The following NELL2 variants were observed in gnomAD, a reference collection of about 807,000 sequenced individuals.
NELL2 encodes protein kinase C-binding protein NELL2.
Under a neutral mutation model 109.6 loss-of-function variants are expected in NELL2, and 41 were observed. The observed-to-expected ratio is 0.37, with a 90% CI of 0.29 to 0.49. The LOEUF (loss-of-function observed/expected upper bound fraction) is 0.49, where lower values mean the gene tolerates loss of function less well. Among genes scored for constraint, NELL2 ranks in the 20% least tolerant of loss-of-function variants. The pLI is 0.98. For missense variants in NELL2, 900 were observed against 1,008.3 expected (o/e 0.89, Z 1.45); for synonymous variants, 355 against 344.7 (o/e 1.03, Z -0.33).
In NELL2 at chr12:44,659,140, C is replaced by T. The variant is rs372235789; in HGVS notation, c.1444+6344G>A. On this transcript the variant is annotated intron_variant, in intron 13 of 19. Coordinates refer to ENST00000429094, the MANE Select transcript of NELL2 (RefSeq NM_001145108.2). ...TAATAAATGGTTTTGGGAAAACTGGCTAGCCATATGCAGAAAACTGAAACT... is the reference window on the plus strand; with the variant it reads ...TAATAAATGGTTTTGGGAAAACTGGTTAGCCATATGCAGAAAACTGAAACT... Among the ~76,000 whole-genome samples the T allele has an allele frequency of 6.6e-4, 101 of 152,198 alleles. 2 individuals carry two copies. The South Asian group carries it at 0.02, about 29-fold the overall frequency.
At chr12:44,872,093 T>C (rs1245994970) in intron 2 of NELL2, among the ~76,000 whole-genome samples, 2 of 152,136 alleles carry the variant, frequency 1.3e-5, no homozygotes, top group Non-Finnish European at 2.9e-5. Context: ...GAAAAAAACA[T>C]TATTATGATC....
intron 12 of NELL2, 149 bp downstream of exon 12, chr12:44,703,574 GATA>G: frequency 2.6e-6 from 2 of 762,886 alleles, no homozygotes; most frequent in Non-Finnish European, 4.2e-6. Context: ...TAATTTGAAA[GATA>G]ATTATTTTTA....
At chr12:44,533,162 C>A (rs1309971235) in intron 15 of NELL2, among the ~76,000 whole-genome samples, 1 of 152,118 alleles carries the variant, frequency 6.6e-6, no homozygotes, top group Admixed American at 6.5e-5. Flanking sequence ...TTCACATATG[C>A]CCTTTCCCTA....
intron 15 of NELL2, among the ~76,000 whole-genome samples, chr12:44,549,720 A>C (rs1037731347): frequency 2.4e-4 from 36 of 152,150 alleles, no homozygotes; most frequent in Non-Finnish European, 4.7e-4. Context: ...TAAAAACTAT[A>C]AAACATAATG....
At chr12:44,620,121 G>GTTTT (rs147103574) in intron 13 of NELL2, among the ~76,000 whole-genome samples, 2 of 134,434 alleles carry the variant, frequency 1.5e-5, no homozygotes, top group African/African-American at 2.6e-5. Context: ...CCTGGGTTTT[G>GTTTT]TTTTTTTTTT....
chr12:44,835,303 T>C (rs1408894024), intron 2 of NELL2, among the ~76,000 whole-genome samples: 1 of 152,168 alleles, frequency 6.6e-6, no homozygotes, highest in Non-Finnish European at 1.5e-5. Flanking sequence ...CCAAAAAGAA[T>C]TATTCAGTGG....
In NELL2 at chr12:44,814,039, G is replaced by A. The variant is rs190905392; in HGVS notation, c.335+1947C>T. Reference sequence around the variant, plus strand: ...GCAAGAAGTCTGTGCTGGTCAGAGTGTGTACAGTTAAGGTGTTCGACCCTG... The same window carrying A: ...GCAAGAAGTCTGTGCTGGTCAGAGTATGTACAGTTAAGGTGTTCGACCCTG... On this transcript the variant is annotated intron_variant, in intron 3 of 19. Transcript: ENST00000429094. 2.6e-5 allele frequency among the ~76,000 whole-genome samples: 4 copies of A among 152,318 alleles called. No individual in the cohort carries two copies. In the East Asian group the frequency reaches 7.7e-4, roughly 29 times the overall value.
rs955204718 is a variant in NELL2 at position 44,523,464 on chromosome 12, C to A, written c.1825G>T (p.Gly609Trp). The A allele has an allele frequency of 7.4e-6, 12 of 1,613,488 alleles. No individual in the cohort carries two copies. The Admixed American group carries it at 8.3e-5, about 11-fold the overall frequency. Residue 609 changes from glycine (G) to tryptophan (W), a missense_variant, in exon 17 of 20, where the codon GGG (glycine) becomes TGG (tryptophan). Gly to Trp is a radical substitution (Grantham distance 184). Coordinates refer to ENST00000429094, the MANE Select transcript of NELL2 (RefSeq NM_001145108.2). ...GTATCATTGGCACAGCTGTGCCTCCCGGTCCCACACTCATCAATATCTATA... is the reference window on the plus strand; with the variant it reads ...GTATCATTGGCACAGCTGTGCCTCCAGGTCCCACACTCATCAATATCTATA... ...SCEDIDECGT[G>W]RHSCANDTIC...
At chr12:44,616,849 A>G (rs1162599672) in intron 13 of NELL2, among the ~76,000 whole-genome samples, 1 of 152,160 alleles carries the variant, frequency 6.6e-6, no homozygotes, top group Non-Finnish European at 1.5e-5. Context: ...GCTTTATTCC[A>G]AAAAGAATGG....
intron 1 of NELL2, among the ~76,000 whole-genome samples, chr12:44,889,972 C>T (rs554387367): frequency 2.6e-4 from 39 of 152,166 alleles, no homozygotes; most frequent in African/African-American, 7.7e-4. Context: ...AATCTTAGGC[C>T]GGGTTTCCCA....
At chr12:44,794,179 C>T (rs1942535170) in intron 3 of NELL2, among the ~76,000 whole-genome samples, 1 of 152,102 alleles carries the variant, frequency 6.6e-6, no homozygotes, top group African/African-American at 2.4e-5. Context: ...GCTACTTCAC[C>T]CCTATGTGTT....
At chr12:44,780,047 A>T in intron 3 of NELL2, 25 bp from the exon 4 acceptor site, 1 of 1,606,504 alleles carries the variant, frequency 6.2e-7, no homozygotes. Context: ...GCCACATGGG[A>T]CACATTAAAA....
At chr12:44,746,707 A>G (rs1302391393) in intron 9 of NELL2, among the ~76,000 whole-genome samples, 1 of 152,238 alleles carries the variant, frequency 6.6e-6, no homozygotes, top group East Asian at 1.9e-4. Flanking sequence ...AATGCTCATC[A>G]TCACTGGCCA....
chr12:44,662,009 G>A (rs996481756), intron 13 of NELL2, among the ~76,000 whole-genome samples: 9 of 151,792 alleles, frequency 5.9e-5, no homozygotes, highest in Non-Finnish European at 7.4e-5. Flanking sequence ...ATAGGAACAC[G>A]AAACGATGTA....
intron 13 of NELL2, among the ~76,000 whole-genome samples, chr12:44,636,102 T>C (rs1946626702): frequency 6.6e-6 from 1 of 152,170 alleles, no homozygotes; most frequent in South Asian, 2.1e-4. Context: ...TATTGGTGTG[T>C]AGGAATGTTT....
intron 1 of NELL2, among the ~76,000 whole-genome samples, chr12:44,885,062 T>C (rs912042394): frequency 7.9e-5 from 12 of 152,070 alleles, no homozygotes; most frequent in Non-Finnish European, 1.6e-4. Context: ...GCGGATCACC[T>C]GAGGTCAGGA....
At position 44,641,828 on chromosome 12, in the gene NELL2, C is replaced by A. The variant is rs534542113; in HGVS notation, c.1444+23656G>T. 6.6e-5 allele frequency among the ~76,000 whole-genome samples: 10 copies of A among 151,688 alleles called. No homozygotes were observed. In the East Asian group the frequency reaches 1.9e-3, roughly 30 times the overall value. The stretch of plus-strand genomic sequence containing the variant: ...TTTCCTGCCTCAGTCTCCCAAGTAG[C>A]TGGGACTACAGGCACATGCTGCCAT... On this transcript the variant is annotated intron_variant, in intron 13 of 19. Transcript: ENST00000429094.
chr12:44,908,604 A>G lies in NELL2; in HGVS notation c.38+5195T>C, dbSNP rs937316999. ...AGTAGTAGCAAGATCACCCACATGG[A>G]CATTAAAATATTTAAGAATTATGGC... On this transcript the variant is annotated intron_variant, in intron 1 of 20. Transcript: ENST00000333837. Among the ~76,000 whole-genome samples the G allele has an allele frequency of 2.0e-5, 3 of 151,956 alleles. No homozygotes were observed. The South Asian group carries it at 6.2e-4, about 31-fold the overall frequency.
chr12:44,659,932 T>C (rs1947678448), intron 13 of NELL2, among the ~76,000 whole-genome samples: 1 of 152,182 alleles, frequency 6.6e-6, no homozygotes, highest in Non-Finnish European at 1.5e-5. Context: ...ATATGGAGCA[T>C]GCACCAGGAT....
Sources: gnomAD v4.1 joint callset for allele counts (sites outside exome capture counted in the v4.1 genomes callset) on GRCh38, gnomAD v4.1.1 for gene constraint, MANE v1.5 for transcripts, NCBI Gene and HGNC (gene_info 2026-07-23, HGNC 2026-07-21) for gene names.